IMMP2L: variants seen among roughly 807,000 people sequenced by gnomAD.
The protein encoded by IMMP2L is mitochondrial inner membrane protease subunit 2.
IMMP2L carries 18 observed loss-of-function variants against 19.3 expected under a neutral mutation model. The observed-to-expected ratio is 0.93, with a 90% CI of 0.64 to 1.38. IMMP2L has a LOEUF of 1.38. Among genes scored for constraint, IMMP2L ranks in the 40% most tolerant of loss-of-function variants. IMMP2L has a pLI of 0.00. For synonymous variants in IMMP2L, 76 were observed against 73.0 expected (o/e 1.04, Z -0.21); for missense variants, 233 against 218.2 (o/e 1.07, Z -0.43).
chr7:111,094,159 G>A lies in IMMP2L; in HGVS notation c.240-130594C>T, dbSNP rs550071350. Reference sequence around the variant, plus strand: ...TCCCCCCGAATCTGAATTTTTTTGGGGTGTAACATTCCTGTGTAACATGGC... The same window carrying A: ...TCCCCCCGAATCTGAATTTTTTTGGAGTGTAACATTCCTGTGTAACATGGC... On this transcript the variant is annotated intron_variant, in intron 3 of 5. Transcript: ENST00000405709. Among the ~76,000 whole-genome samples, 31 of 151,990 alleles carry A rather than the reference G, an allele frequency of 2.0e-4. No homozygotes were observed. In the South Asian group the frequency reaches 2.5e-3, roughly 12 times the overall value.
chr7:111,447,562 A>T (rs1250778562), intron 3 of IMMP2L, among the ~76,000 whole-genome samples: 12 of 149,514 alleles, frequency 8.0e-5, no homozygotes, highest in Non-Finnish European at 1.8e-4. Context: ...AGGAAGCGCT[A>T]AACATGGAAA....
At chr7:111,269,625 T>C (rs1818228554) in intron 3 of IMMP2L, among the ~76,000 whole-genome samples, 1 of 151,724 alleles carries the variant, frequency 6.6e-6, no homozygotes, top group African/African-American at 2.4e-5. Flanking sequence ...TTTTAATTAA[T>C]GGTAGTATGT....
At chr7:111,451,208 G>C (rs1482139730) in intron 3 of IMMP2L, among the ~76,000 whole-genome samples, 1 of 142,166 alleles carries the variant, frequency 7.0e-6, no homozygotes, top group Non-Finnish European at 1.5e-5. Context: ...TCCCATTACT[G>C]GGTATATACC....
chr7:110,734,022 G>A (rs1205314786), intron 5 of IMMP2L, among the ~76,000 whole-genome samples: 1 of 152,102 alleles, frequency 6.6e-6, no homozygotes, highest in Admixed American at 6.5e-5. Flanking sequence ...TGAATAGACT[G>A]AGACAAAAAT....
At chr7:111,528,004 T>C (rs1019179626) in intron 1 of IMMP2L, among the ~76,000 whole-genome samples, 3 of 152,198 alleles carry the variant, frequency 2.0e-5, no homozygotes, top group Non-Finnish European at 4.4e-5. Flanking sequence ...GGGGCACCTA[T>C]ATTTCATAAT....
chr7:110,942,080 G>T (rs1816793098), intron 4 of IMMP2L, among the ~76,000 whole-genome samples: 1 of 151,960 alleles, frequency 6.6e-6, no homozygotes, highest in South Asian at 2.1e-4. Flanking sequence ...TTTGTTAATT[G>T]GTTGCTCTAG....
At chr7:111,521,647 T>C (rs1846342181) in intron 1 of IMMP2L, among the ~76,000 whole-genome samples, 198 bp from the exon 2 acceptor site, 1 of 152,184 alleles carries the variant, frequency 6.6e-6, no homozygotes, top group African/African-American at 2.4e-5. Context: ...CTCAGGTTAA[T>C]GCTTTTCCAC....
At chr7:111,239,477 G>T (rs1048265712) in intron 3 of IMMP2L, among the ~76,000 whole-genome samples, 1 of 151,678 alleles carries the variant, frequency 6.6e-6, no homozygotes, top group Admixed American at 6.6e-5. Context: ...ACACCTCCTT[G>T]GTTCAATCTA....
chr7:110,982,004 T>A (rs1821354623), intron 3 of IMMP2L, among the ~76,000 whole-genome samples: 1 of 152,110 alleles, frequency 6.6e-6, no homozygotes, highest in African/African-American at 2.4e-5. Flanking sequence ...AAACTGATAG[T>A]AGGGCATTTT....
chr7:110,820,904 A>C (rs60195560), intron 5 of IMMP2L, among the ~76,000 whole-genome samples: 13,597 of 151,988 alleles, frequency 0.089, 944 homozygotes, highest in African/African-American at 0.19. Flanking sequence ...CTATAAAACC[A>C]ATATGATTAT....
At chr7:111,305,318 C>T (rs1822744615) in intron 3 of IMMP2L, among the ~76,000 whole-genome samples, 1 of 152,098 alleles carries the variant, frequency 6.6e-6, no homozygotes, top group Non-Finnish European at 1.5e-5. Flanking sequence ...CAAAGAAATC[C>T]ATTTCCCTGA....
intron 3 of IMMP2L, among the ~76,000 whole-genome samples, chr7:111,298,478 G>A (rs1317597550): frequency 2.0e-5 from 3 of 152,054 alleles, no homozygotes; most frequent in East Asian, 1.9e-4. Context: ...GGCCAAGCAC[G>A]GTGGCTCTCG....
At chr7:110,770,536 A>C (rs1302600884) in intron 5 of IMMP2L, among the ~76,000 whole-genome samples, 2 of 152,166 alleles carry the variant, frequency 1.3e-5, no homozygotes, top group East Asian at 3.9e-4. Context: ...TTTACATTTC[A>C]TGCACTGTCT....
chr7:111,181,286 A>G (rs960352206), intron 3 of IMMP2L, among the ~76,000 whole-genome samples: 1 of 152,036 alleles, frequency 6.6e-6, no homozygotes, highest in African/African-American at 2.4e-5. Context: ...AGAATGGATA[A>G]TATTTCCCCA....
chr7:110,848,620 G>A (rs1805900891), intron 5 of IMMP2L, among the ~76,000 whole-genome samples: 1 of 152,118 alleles, frequency 6.6e-6, no homozygotes, highest in South Asian at 2.1e-4. Flanking sequence ...ATTTATAGTA[G>A]CTTTATTCAT....
At chr7:111,354,290 C>G (rs1490514164) in intron 3 of IMMP2L, among the ~76,000 whole-genome samples, 1 of 151,576 alleles carries the variant, frequency 6.6e-6, no homozygotes, top group Non-Finnish European at 1.5e-5. Flanking sequence ...ACATATTTAC[C>G]ACATTAACAG....
intron 3 of IMMP2L, among the ~76,000 whole-genome samples, chr7:111,329,775 C>T (rs1825698421): frequency 6.6e-6 from 1 of 151,818 alleles, no homozygotes; most frequent in Non-Finnish European, 1.5e-5. Flanking sequence ...AAGGCATATG[C>T]CATTTGAAAA....
At chr7:111,399,561 C>G (rs1258690834) in intron 3 of IMMP2L, among the ~76,000 whole-genome samples, 2 of 152,002 alleles carry the variant, frequency 1.3e-5, no homozygotes, top group East Asian at 3.9e-4. Context: ...CATCATATTG[C>G]CCAGGCTGAT....
chr7:111,433,135 A>G (rs1273937260), intron 3 of IMMP2L, among the ~76,000 whole-genome samples: 1 of 151,716 alleles, frequency 6.6e-6, no homozygotes, highest in East Asian at 1.9e-4. Flanking sequence ...GGATACTTAC[A>G]ATCATGGCAG....
Sources: allele counts gnomAD v4.1 joint callset (sites outside exome capture counted in the v4.1 genomes callset), GRCh38; gene constraint gnomAD v4.1.1; transcripts MANE v1.5; gene names NCBI Gene and HGNC (gene_info 2026-07-23, HGNC 2026-07-21).